Variants in FBXO31 observed in about 807,000 individuals in gnomAD.
The protein encoded by FBXO31 is F-box only protein 31.
In FBXO31, 24 loss-of-function variants were observed where a neutral mutation model predicts 54.4. The observed-to-expected ratio is 0.44, with a 90% confidence interval of 0.32 to 0.62. FBXO31 has a LOEUF of 0.62. Ranked by LOEUF, FBXO31 falls within the 20% of genes least tolerant of loss-of-function variation. The pLI, the probability that FBXO31 is intolerant of heterozygous loss-of-function variation, is 0.05. For missense variants in FBXO31, 665 were observed against 787.1 expected, an observed-to-expected ratio of 0.84 and a Z score of 1.86; for synonymous variants, 388 against 335.6, an observed-to-expected ratio of 1.16 and a Z score of -1.71.
rs55746745 is a variant in FBXO31, at chr16:87,365,010, A to AATATATATATATATATATATAT, written c.341-4666_341-4645dup. On this transcript the variant is annotated intron_variant, in intron 1 of 8. Transcript: ENST00000311635. ...TGACAGAGCGAGACCCCGTCTCTTA[A>AATATATATATATATATATATAT]ATATATATATATATATATATATATA... Among the ~76,000 whole-genome samples the AATATATATATATATATATATAT allele has an allele frequency of 6.1e-3, 290 of 47,590 alleles. 22 individuals carry two copies. The highest frequency in any genetic ancestry group is 0.012 in the South Asian group (8 of 682). The allele number at this position is 47,590 out of a possible 152,430, so 31.2% of individuals were successfully genotyped here. A position where few individuals can be genotyped will look rare whatever the true frequency, so the allele number is the denominator to read the frequency against.
chr16:87,355,833 G>A (rs1597369834), intron 2 of FBXO31, among the ~76,000 whole-genome samples: 1 of 152,160 alleles, frequency 6.6e-6, no homozygotes, highest in South Asian at 2.1e-4. Flanking sequence ...AATGTCCCCT[G>A]CCCCCAGTGC....
At chr16:87,351,432 C>A (rs948469362) in intron 2 of FBXO31, among the ~76,000 whole-genome samples, 19 of 152,108 alleles carry the variant, frequency 1.2e-4, no homozygotes, top group African/African-American at 4.3e-4. Context: ...CCAGGAACAA[C>A]GTTCCCCGCA....
chr16:87,387,961 T>C (rs532568073), upstream of FBXO31, among the ~76,000 whole-genome samples: 9 of 152,316 alleles, frequency 5.9e-5, no homozygotes, highest in Middle Eastern at 6.8e-3. Context: ...AACAAGAGGA[T>C]TGCAGTTTAA....
At chr16:87,342,389 G>A (rs1283200834) in intron 5 of FBXO31, among the ~76,000 whole-genome samples, 1 of 152,158 alleles carries the variant, frequency 6.6e-6, no homozygotes, top group African/African-American at 2.4e-5. Flanking sequence ...GTAAGACTTA[G>A]ATCCTTGAAA....
At chr16:87,365,184 C>A (rs988619001) in intron 1 of FBXO31, among the ~76,000 whole-genome samples, 1 of 150,352 alleles carries the variant, frequency 6.7e-6, no homozygotes, top group Non-Finnish European at 1.5e-5. Context: ...GCGGAATGAG[C>A]CTCTGGGCCA....
chr16:87,370,677 C>A (rs1906564029), intron 1 of FBXO31, among the ~76,000 whole-genome samples: 1 of 152,154 alleles, frequency 6.6e-6, no homozygotes, highest in African/African-American at 2.4e-5. Flanking sequence ...CCACTGCGGC[C>A]CCTGGGACAC....
At chr16:87,384,151 C>G (rs1907239967), upstream of FBXO31, 1 of 153,556 alleles carries the variant, frequency 6.5e-6, no homozygotes, top group African/African-American at 2.4e-5. Flanking sequence ...GCCCCTCGCG[C>G]CCGTGCGTCC....
chr16:87,327,752 G>C lies in FBXO31; in HGVS notation c.*3536C>G, dbSNP rs1904699133. 1 of 152,212 alleles carries C rather than the reference G, an allele frequency of 6.6e-6. No homozygotes were observed. The highest frequency in any genetic ancestry group is 1.5e-5 in the Non-Finnish European group (1 of 68,068). 9.4% of individuals were successfully genotyped at this position (152,212 alleles called of 1,614,324 possible). On this transcript the variant is annotated 3_prime_UTR_variant, in exon 9 of 9. Transcript: ENST00000311635. ...GGATGAGGAGTCCAGTGATGTTCCT[G>C]GTCTCTCCCCAGAAGTACAGACAGG...
rs767634670 is a variant in FBXO31 at position 87,347,249 on chromosome 16, C to T, written c.414G>A (p.Leu138=). Residue 138 remains leucine (L), a splice_region_variant and synonymous_variant, in exon 3 of 9, where the codon CTG becomes CTA. Coordinates refer to ENST00000311635, the MANE Select transcript of FBXO31 (RefSeq NM_024735.5). ...GVSCRDVYAK[L]LHRYRHILGL... ...CCAAAATGTGTCTATATCGGTGAAG[C>T]ACTACAGGAGGAGAGAAAGAGCAAG... The T allele has an allele frequency of 6.2e-7, 1 of 1,613,966 alleles. No homozygotes were observed.
In FBXO31 at chr16:87,350,146, A is replaced by G. The variant is rs73250504; in HGVS notation, c.413-2896T>C. The stretch of plus-strand genomic sequence containing the variant: ...CGGGGCTCTGCAGGCAGTGGGGGCC[A>G]TGGGGGTTTCGGAGCACTGGAGTGG... On this transcript the variant is annotated intron_variant, in intron 2 of 8. Transcript: ENST00000311635. 1.7e-3 allele frequency among the ~76,000 whole-genome samples: 263 copies of G among 152,016 alleles called. 8 individuals carry two copies. The highest frequency in any genetic ancestry group is 5.9e-3 in the African/African-American group (243 of 41,498).
chr16:87,334,025 G>C lies in FBXO31; in HGVS notation c.1258C>G (p.Pro420Ala). Residue 420 changes from proline to alanine, a missense_variant, in exon 8 of 9, where the codon CCT becomes GCT. This residue lies in a region of FBXO31 where 165 missense variants were observed against 159.7 expected (regional missense o/e 1.03). Transcript: ENST00000311635. ...EAPSKGPDGT[P>A]GEDGGEPGDA... ...CCAGGCTCGCCACCATCCTCACCAG[G>C]TGTCCCATCTGGGCCCTTGCTGGGC... 1 of 1,612,754 alleles carries C rather than the reference G, an allele frequency of 6.2e-7. No homozygotes were observed. Among genetic ancestry groups the C allele is most frequent in the Non-Finnish European group, 8.5e-7 (1 of 1,179,762 alleles).
At chr16:87,331,565 C>T (rs1597355954) in intron 8 of FBXO31, 55 bp from the exon 9 acceptor site, 17 of 1,423,414 alleles carry the variant, frequency 1.2e-5, no homozygotes, top group East Asian at 7.3e-5. Context: ...GTCAAATGCA[C>T]GCCACGTACA....
chr16:87,333,361 G>C (rs1372780235), intron 8 of FBXO31, among the ~76,000 whole-genome samples: 1 of 152,214 alleles, frequency 6.6e-6, no homozygotes, highest in African/African-American at 2.4e-5. Context: ...AGGCACAGAG[G>C]AGGGAGGGGG....
intron 3 of FBXO31, among the ~76,000 whole-genome samples, chr16:87,344,868 C>T (rs1905312588): frequency 6.6e-6 from 1 of 151,988 alleles, no homozygotes; most frequent in African/African-American, 2.4e-5. Context: ...GGGCAAAACC[C>T]ATCCCTGCCC....
chr16:87,356,239 A>G (rs944875717), intron 2 of FBXO31, among the ~76,000 whole-genome samples: 6 of 151,770 alleles, frequency 4.0e-5, no homozygotes, highest in African/African-American at 1.4e-4. Flanking sequence ...AAAAAAAAAA[A>G]AAAAGAAAAG....
chr16:87,375,571 G>A (rs1597378379), intron 1 of FBXO31, among the ~76,000 whole-genome samples: 2 of 152,254 alleles, frequency 1.3e-5, no homozygotes, highest in East Asian at 1.9e-4. Flanking sequence ...AAAGGGCAAC[G>A]ACTAACCAAA....
At chr16:87,347,303 G>T in intron 2 of FBXO31, 53 bp from the exon 3 acceptor site, 1 of 1,531,264 alleles carries the variant, frequency 6.5e-7, no homozygotes, top group South Asian at 1.1e-5. Context: ...CGTGCCGCAG[G>T]GAGCCCAGGA....
Position 87,383,660 on chromosome 16 carries a change from CCGT to C in FBXO31, c.82_84del (p.Thr28del). On this transcript the variant is annotated inframe_deletion, in exon 1 of 9. Transcript: ENST00000311635. The surrounding 1 kb of genome is among the most constrained non-coding windows in gnomAD (Gnocchi z 4.9). ...GTGTCCGGCTCGCTGTCGGCCGCCG[CCGT>C]CTCGGCCGGGCCCCGGCGCTGCTGG... The C allele has an allele frequency of 1.5e-6, 2 of 1,325,980 alleles. No individual in the cohort carries two copies. Among genetic ancestry groups the C allele is most frequent in the South Asian group, 2.1e-5 (1 of 47,894 alleles). 82.1% of individuals were successfully genotyped at this position (1,325,980 alleles called of 1,614,324 possible). A position where few individuals can be genotyped will look rare whatever the true frequency, so the allele number is the denominator to read the frequency against.
intron 1 of FBXO31, among the ~76,000 whole-genome samples, chr16:87,365,946 G>A (rs1368613689): frequency 1.3e-5 from 2 of 152,132 alleles, no homozygotes; most frequent in East Asian, 1.9e-4. Flanking sequence ...AAGAATCGCT[G>A]GGAATCCGGG....
Sources: allele counts gnomAD v4.1 joint callset (sites outside exome capture counted in the v4.1 genomes callset), GRCh38; gene constraint gnomAD v4.1.1; regional missense constraint gnomAD v4.1.1; non-coding constraint Gnocchi (gnomAD v3.1); transcripts MANE v1.5; gene names NCBI Gene and HGNC (gene_info 2026-07-23, HGNC 2026-07-21).